The following RNF20 variants were observed in gnomAD, a reference collection of about 807,000 sequenced individuals.
RNF20 encodes E3 ubiquitin-protein ligase BRE1A.
RNF20 carries 84 observed loss-of-function variants against 126.2 expected under a neutral mutation model. The ratio of observed to expected loss-of-function variants is 0.67; its 90% CI spans 0.56 to 0.80. The LOEUF (loss-of-function observed/expected upper bound fraction) is 0.80, where lower values mean the gene tolerates loss of function less well. Ranked by LOEUF, RNF20 falls within the 30% of genes least tolerant of loss-of-function variation. RNF20 has a pLI of 0.00. For synonymous variants in RNF20, 400 were observed against 414.3 expected, an observed-to-expected ratio of 0.97 and a Z score of 0.42; for missense variants, 869 against 1,188.2, an observed-to-expected ratio of 0.73 and a Z score of 3.95.
rs762841582 is a variant in RNF20 at position 101,546,975 on chromosome 9, T to TG, written c.894+10dup. On this transcript the variant is annotated intron_variant, in intron 7 of 19. Coordinates refer to ENST00000389120, the MANE Select transcript of RNF20 (RefSeq NM_019592.7). ...CAGAAGTCCTAGAACGGGTCAGTGC[T>TG]GTTTTATGGCTTGGAGACTAGAATC... The TG allele has an allele frequency of 4.3e-6, 7 of 1,613,958 alleles. No individual in the cohort carries two copies. Among genetic ancestry groups the TG allele is most frequent in the Admixed American group, 3.3e-5 (2 of 60,024 alleles).
Position 101,561,103 on chromosome 9 carries a change from C to T in RNF20, c.2522C>T (p.Ala841Val). 6.2e-7 allele frequency: 1 copy of T among 1,613,668 alleles called. No homozygotes were observed. The highest frequency in any genetic ancestry group is 1.1e-5 in the South Asian group (1 of 91,050). ...EMNKRKAMEA[A>V]QLADDLKAQL... ...CATCCTACATAGGCAATGGAGGCAG[C>T]CCAGCTTGCAGATGACCTCAAAGCA... is the stretch of plus-strand genomic sequence containing the variant. Residue 841 changes from alanine to valine, a missense_variant, in exon 18 of 20, where the codon GCC becomes GTC. This residue lies in a region of RNF20 where 150 missense variants were observed against 173.7 expected (regional missense o/e 0.86). Coordinates refer to ENST00000389120, the MANE Select transcript of RNF20 (RefSeq NM_019592.7).
Position 101,562,147 on chromosome 9 carries a change from A to G in RNF20, c.2752-99A>G, listed in dbSNP as rs1476179179. ...TGGGGGGAAATGATGCTCTTTTTTTAGTGCCTTGTGGGTTTTCTTCTTGGT... is the reference window on the plus strand; with the variant it reads ...TGGGGGGAAATGATGCTCTTTTTTTGGTGCCTTGTGGGTTTTCTTCTTGGT... On this transcript the variant is annotated intron_variant, in intron 19 of 19. Transcript: ENST00000389120. 14 of 1,362,314 alleles carry G rather than the reference A, an allele frequency of 1.0e-5. No homozygotes were observed. The African/African-American group carries it at 2.0e-4, about 20-fold the overall frequency. 84.4% of individuals were successfully genotyped at this position (1,362,314 alleles called of 1,614,324 possible). A position where few individuals can be genotyped will look rare whatever the true frequency, so the allele number is the denominator to read the frequency against.
chr9:101,561,864 A>G lies in RNF20; in HGVS notation c.2650-46A>G, dbSNP rs757694507. ...AAGTCTATTATTTTTCTCAAAAATG[A>G]TAGATTTGGGTAAGTGTGTCTAATG... is the stretch of plus-strand genomic sequence containing the variant. On this transcript the variant is annotated intron_variant, in intron 18 of 19. Coordinates refer to ENST00000389120, the MANE Select transcript of RNF20 (RefSeq NM_019592.7). The G allele has an allele frequency of 5.5e-6, 7 of 1,273,312 alleles. No homozygotes were observed. In the South Asian group the frequency reaches 7.2e-5, roughly 13 times the overall value. The allele number at this position is 1,273,312 out of a possible 1,614,324, so 78.9% of individuals were successfully genotyped here. A position where few individuals can be genotyped will look rare whatever the true frequency, so the allele number is the denominator to read the frequency against.
At chr9:101,538,429 A>G (rs961797122) in intron 2 of RNF20, among the ~76,000 whole-genome samples, 11 of 152,186 alleles carry the variant, frequency 7.2e-5, no homozygotes, top group African/African-American at 2.7e-4. Flanking sequence ...GCATGGCGGC[A>G]GGTGGTATAG....
chr9:101,540,997 C>T (rs756580481), intron 5 of RNF20, 22 bp downstream of exon 5: 15 of 1,598,286 alleles, frequency 9.4e-6, no homozygotes, highest in Admixed American at 3.3e-5. Flanking sequence ...CCCTGGAGGC[C>T]GGGAGTAGTG....
At position 101,557,568 on chromosome 9, in the gene RNF20, C is replaced by A; in HGVS notation, c.2354C>A (p.Ala785Glu). The A allele has an allele frequency of 6.2e-7, 1 of 1,613,748 alleles. No individual in the cohort carries two copies. The highest frequency in any genetic ancestry group is 8.5e-7 in the Non-Finnish European group (1 of 1,179,736). Residue 785 changes from alanine (A) to glutamate (E), a missense_variant, in exon 16 of 20, where the codon GCA becomes GAA. Physicochemically the swap from Ala to Glu is moderately radical, Grantham distance 107. Around this residue, in one of 8 missense-constraint regions of RNF20, gnomAD observed 150 missense variants for 173.7 expected, o/e 0.86. Transcript: ENST00000389120. ...KLLKEEKEEL[A>E]DQVLTLKTQV... ...CTTAAAGAAGAGAAGGAGGAGCTGG[C>A]AGACCAGGTGTTGACTCTGAAGACT...
chr9:101,546,190 T>A (rs1262027834), intron 6 of RNF20, among the ~76,000 whole-genome samples: 2 of 152,186 alleles, frequency 1.3e-5, no homozygotes. Flanking sequence ...TTTTAAAACC[T>A]AGCACAAAGG....
At chr9:101,556,414 G>A (rs958243275) in intron 15 of RNF20, among the ~76,000 whole-genome samples, 28 of 152,188 alleles carry the variant, frequency 1.8e-4, no homozygotes, top group African/African-American at 6.7e-4. Context: ...CTTATTATGT[G>A]CTAAATACAT....
chr9:101,543,201 G>A (rs572218358), intron 5 of RNF20, among the ~76,000 whole-genome samples: 1 of 152,362 alleles, frequency 6.6e-6, no homozygotes, highest in South Asian at 2.1e-4. Context: ...GCCTTCTAGA[G>A]CAAGTATAGG....
chr9:101,534,805 A>G (rs1316421201), intron 1 of RNF20, among the ~76,000 whole-genome samples: 1 of 151,690 alleles, frequency 6.6e-6, no homozygotes, highest in East Asian at 1.9e-4. Context: ...CCAGAACTTT[A>G]TTTTTGGTCT....
chr9:101,534,845 T>A (rs184502858), intron 1 of RNF20, among the ~76,000 whole-genome samples: 1 of 152,152 alleles, frequency 6.6e-6, no homozygotes, highest in Non-Finnish European at 1.5e-5. Context: ...TCTCATTTCT[T>A]ATCACCATTC....
chr9:101,537,376 A>C (rs1827200429), intron 2 of RNF20, among the ~76,000 whole-genome samples: 2 of 152,144 alleles, frequency 1.3e-5, no homozygotes, highest in South Asian at 4.1e-4. Flanking sequence ...AGTGTATGAG[A>C]GGAGCAGATT....
Position 101,546,973 on chromosome 9 carries a change from G to T in RNF20, c.894+7G>T. ...AGCAGAAGTCCTAGAACGGGTCAGT[G>T]CTGTTTTATGGCTTGGAGACTAGAA... On this transcript the variant is annotated splice_region_variant and intron_variant, in intron 7 of 19. Transcript: ENST00000389120. 1.2e-6 allele frequency: 2 copies of T among 1,613,984 alleles called. No individual in the cohort carries two copies. The highest frequency in any genetic ancestry group is 1.7e-6 in the Non-Finnish European group (2 of 1,179,920).
chr9:101,552,680 A>G lies in RNF20; in HGVS notation c.1828A>G (p.Lys610Glu). 6.4e-7 allele frequency: 1 copy of G among 1,551,200 alleles called. No individual in the cohort carries two copies. Among genetic ancestry groups the G allele is most frequent in the Non-Finnish European group, 8.9e-7 (1 of 1,122,954 alleles). The change falls in exon 13 of 20, where the codon AAA becomes GAA. Residue 610 changes from lysine (K) to glutamate (E), a missense_variant. Around this residue, in one of 8 missense-constraint regions of RNF20, gnomAD observed 231 missense variants for 263.6 expected, o/e 0.88. Coordinates refer to ENST00000389120, the MANE Select transcript of RNF20 (RefSeq NM_019592.7). ...AAAAGAGAGAGATTCTGCTAAGGAT[A>G]AAGAGAAAGGCAAACATGATGATGG... The part of the protein sequence containing the change: ...SEKERDSAKD[K>E]EKGKHDDGRK...
In RNF20 at chr9:101,560,805, A is replaced by G; in HGVS notation, c.2387A>G (p.Asp796Gly). ...DQVLTLKTQV[D>G]AQLQVVRKLE... ...AATCTGATTTTCTGTTCAAAGGTTG[A>G]TGCCCAGCTACAGGTAGTAAGGAAA... is the stretch of plus-strand genomic sequence containing the variant. The change falls in exon 17 of 20, where the codon GAT becomes GGT. Residue 796 changes from aspartate to glycine, a missense_variant. This residue lies in a region of RNF20 where 150 missense variants were observed against 173.7 expected (regional missense o/e 0.86). Coordinates refer to ENST00000389120, the MANE Select transcript of RNF20 (RefSeq NM_019592.7). The G allele has an allele frequency of 6.2e-7, 1 of 1,607,054 alleles. No individual in the cohort carries two copies.
chr9:101,561,052 T>C (rs762017687), intron 17 of RNF20, 38 bp from the exon 18 acceptor site: 1 of 1,608,712 alleles, frequency 6.2e-7, no homozygotes, highest in Non-Finnish European at 8.5e-7. Context: ...CAATAATAGG[T>C]GATACAATGG....
In RNF20 at chr9:101,547,431, CAA is replaced by C; in HGVS notation, c.1007_1008del (p.Lys336ArgfsTer9). ...AAATGAATGCAGAGCTTGAGGAGAACAAAGAGTTGGCTCAGAACCGTCTCTGT... is the reference window on the plus strand; with the variant it reads ...AAATGAATGCAGAGCTTGAGGAGAACAGAGTTGGCTCAGAACCGTCTCTGT... ...EEMNAELEEN[K>X]ELAQNRLCEL... On this transcript the variant is annotated frameshift_variant, in exon 9 of 20. Transcript: ENST00000389120. LOFTEE classifies it high-confidence loss of function. 2 of 1,614,120 alleles carry C rather than the reference CAA, an allele frequency of 1.2e-6. No homozygotes were observed. Among genetic ancestry groups the C allele is most frequent in the African/African-American group, 1.3e-5 (1 of 75,022 alleles).
At chr9:101,538,762 T>C (rs937240945) in intron 2 of RNF20, among the ~76,000 whole-genome samples, 1 of 152,130 alleles carries the variant, frequency 6.6e-6, no homozygotes, top group Non-Finnish European at 1.5e-5. Flanking sequence ...AAGAGAAAAA[T>C]GAAACAAAAA....
chr9:101,535,553 G>A lies in RNF20; in HGVS notation c.129+1G>A, dbSNP rs778779320. 2 of 1,607,074 alleles carry A rather than the reference G, an allele frequency of 1.2e-6. No homozygotes were observed. Among genetic ancestry groups the A allele is most frequent in the Non-Finnish European group, 1.7e-6 (2 of 1,177,120 alleles). On this transcript the variant is annotated splice_donor_variant, in intron 2 of 19. Transcript: ENST00000389120. LOFTEE classifies it high-confidence loss of function. The stretch of plus-strand genomic sequence containing the variant: ...TAAGCTAGGAGGTGTCTCTTCAACG[G>A]TATGAGGAAACAGTGCCATGAAAGT...
Sources: allele counts gnomAD v4.1 joint callset (sites outside exome capture counted in the v4.1 genomes callset), GRCh38; gene constraint gnomAD v4.1.1; regional missense constraint gnomAD v4.1.1; transcripts MANE v1.5; gene names NCBI Gene and HGNC (gene_info 2026-07-23, HGNC 2026-07-21).